GPATCH2: variants seen among roughly 807,000 people sequenced by gnomAD.
The protein encoded by GPATCH2 is G-patch domain containing 2.
In GPATCH2, 51 loss-of-function variants were observed where a neutral mutation model predicts 58.0. That is an observed-to-expected ratio of 0.88 (90% CI 0.70 to 1.11). The LOEUF (loss-of-function observed/expected upper bound fraction) is 1.11, where lower values mean the gene tolerates loss of function less well. GPATCH2 is among the 50% of genes most tolerant of loss of function. GPATCH2 has a pLI of 0.00. For missense variants in GPATCH2, 625 were observed against 652.2 expected (o/e 0.96, Z 0.45); for synonymous variants, 222 against 218.5 (o/e 1.02, Z -0.14).
chr1:217,532,886 GTTTTTTTTTTTTTGTTTTTT>G (rs1255817887), intron 5 of GPATCH2, among the ~76,000 whole-genome samples: 2 of 130,248 alleles, frequency 1.5e-5, no homozygotes, highest in Non-Finnish European at 3.2e-5. Context: ...TCTTTTTTTT[GTTTTTTTTTTTTTGTTTTTT>G]TTTTTTTTTT....
intron 5 of GPATCH2, among the ~76,000 whole-genome samples, chr1:217,588,158 T>G (rs1037827386): frequency 6.6e-6 from 1 of 152,210 alleles, no homozygotes; most frequent in African/African-American, 2.4e-5. Flanking sequence ...CTCCCTTGGA[T>G]AATCCATCCT....
At position 217,429,223 on chromosome 1, in the gene GPATCH2, T is replaced by G. The variant is rs546231925; in HGVS notation, c.*1922A>C. ...AGACAGAATGAGCATTTAGAAAATA[T>G]CAGTTAAAAAAATGGCAAATTTGTA... On this transcript the variant is annotated 3_prime_UTR_variant, in exon 10 of 10. Coordinates refer to ENST00000366935, the MANE Select transcript of GPATCH2 (RefSeq NM_018040.5). 29 of 152,142 alleles carry G rather than the reference T, an allele frequency of 1.9e-4. No individual in the cohort carries two copies. The highest frequency in any genetic ancestry group is 6.8e-4 in the African/African-American group (28 of 41,476). The allele number at this position is 152,142 out of a possible 1,614,324, so 9.4% of individuals were successfully genotyped here.
intron 5 of GPATCH2, among the ~76,000 whole-genome samples, chr1:217,590,235 TG>T (rs1425559696): frequency 3.9e-5 from 6 of 152,070 alleles, no homozygotes; most frequent in African/African-American, 7.2e-5. Flanking sequence ...TTGGCCAGGC[TG>T]GTCTTGAACG....
chr1:217,543,342 T>C (rs1228361560), intron 5 of GPATCH2, among the ~76,000 whole-genome samples: 4 of 146,090 alleles, frequency 2.7e-5, no homozygotes, highest in Non-Finnish European at 6.0e-5. Flanking sequence ...CAATCTCGGC[T>C]CACTGCAAGC....
At position 217,543,906 on chromosome 1, in the gene GPATCH2, A is replaced by T. The variant is rs2102650323; in HGVS notation, c.1099-29017T>A. 1.3e-5 allele frequency among the ~76,000 whole-genome samples: 2 copies of T among 152,318 alleles called. 1 individual carries two copies. The highest frequency in any genetic ancestry group is 4.1e-4 in the South Asian group (2 of 4,830). ...GAAACCAAGAAGAGAATCCTTCAAG[A>T]GGATTCTTTCTCAGGCTCGCTTGGC... On this transcript the variant is annotated intron_variant, in intron 5 of 9. Transcript: ENST00000366935.
chr1:217,578,606 C>A (rs957909729), intron 5 of GPATCH2, among the ~76,000 whole-genome samples: 3 of 152,124 alleles, frequency 2.0e-5, no homozygotes, highest in African/African-American at 7.2e-5. Context: ...CCATTTTCTG[C>A]CTTCTTTTCT....
In GPATCH2 at chr1:217,615,866, A is replaced by G. The variant is rs1021862020; in HGVS notation, c.774-1664T>C. On this transcript the variant is annotated intron_variant, in intron 2 of 9. Coordinates refer to ENST00000366935, the MANE Select transcript of GPATCH2 (RefSeq NM_018040.5). ...TTTGCAGACAAAGCATTATGAATTG[A>G]TGTGCTATTTTTTCTAGACCATGAT... Among the ~76,000 whole-genome samples, 3 of 152,110 alleles carry G rather than the reference A, an allele frequency of 2.0e-5. No individual in the cohort carries two copies. The East Asian group carries it at 5.8e-4, about 29-fold the overall frequency.
chr1:217,556,886 A>G (rs916282216), intron 5 of GPATCH2, among the ~76,000 whole-genome samples: 2 of 152,182 alleles, frequency 1.3e-5, no homozygotes, highest in Non-Finnish European at 2.9e-5. Context: ...ATTTTTGCCA[A>G]TCTGGTGAAA....
intron 1 of GPATCH2, among the ~76,000 whole-genome samples, chr1:217,624,179 T>C (rs537213591): frequency 1.3e-5 from 2 of 152,200 alleles, no homozygotes; most frequent in Admixed American, 6.5e-5. Flanking sequence ...GCCAGTAATA[T>C]TATAGTCAAT....
At chr1:217,477,626 A>G (rs1410683324) in intron 8 of GPATCH2, among the ~76,000 whole-genome samples, 1 of 152,134 alleles carries the variant, frequency 6.6e-6, no homozygotes, top group African/African-American at 2.4e-5. Context: ...CCATGGGGTG[A>G]GGATCCTCTG....
intron 1 of GPATCH2, among the ~76,000 whole-genome samples, chr1:217,625,486 C>G (rs113880604): frequency 2.6e-5 from 4 of 151,902 alleles, no homozygotes. Context: ...ACAGATTCCC[C>G]GAGAAATAAA....
At chr1:217,522,336 C>T (rs564064367) in intron 5 of GPATCH2, among the ~76,000 whole-genome samples, 3 of 151,976 alleles carry the variant, frequency 2.0e-5, no homozygotes, top group Non-Finnish European at 2.9e-5. Context: ...AATACAGCAA[C>T]AACTTTTTTC....
chr1:217,446,685 TGTA>T (rs201087869), intron 9 of GPATCH2, among the ~76,000 whole-genome samples: 2,061 of 152,190 alleles, frequency 0.014, 17 homozygotes, highest in Middle Eastern at 0.054. Context: ...TAAGTAAAAA[TGTA>T]GTAATACCAA....
At chr1:217,529,829 C>G (rs531977010) in intron 5 of GPATCH2, among the ~76,000 whole-genome samples, 1 of 152,258 alleles carries the variant, frequency 6.6e-6, no homozygotes, top group Non-Finnish European at 1.5e-5. Context: ...TAACTTTTTG[C>G]TCTCCACACT....
chr1:217,442,554 C>A (rs1409630937), intron 9 of GPATCH2, among the ~76,000 whole-genome samples: 2 of 152,138 alleles, frequency 1.3e-5, no homozygotes, highest in South Asian at 2.1e-4. Context: ...ATTTCCCCAA[C>A]TGATTAAGGT....
At chr1:217,595,992 G>GA (rs1056597692) in intron 5 of GPATCH2, among the ~76,000 whole-genome samples, 5 of 151,978 alleles carry the variant, frequency 3.3e-5, no homozygotes, top group African/African-American at 1.2e-4. Flanking sequence ...ACTTGAGAAA[G>GA]AAAAAACCTA....
intron 9 of GPATCH2, among the ~76,000 whole-genome samples, chr1:217,432,009 T>G (rs913559503): frequency 1.3e-5 from 2 of 152,004 alleles, no homozygotes; most frequent in African/African-American, 4.8e-5. Flanking sequence ...ATTATATAAG[T>G]TAGTAGAAAG....
At chr1:217,609,463 A>G (rs1668524605) in intron 5 of GPATCH2, 3 of 983,608 alleles carry the variant, frequency 3.1e-6, no homozygotes, top group Non-Finnish European at 3.6e-6. Context: ...ACTAGTGCAG[A>G]CTAGTTATCA....
intron 2 of GPATCH2, among the ~76,000 whole-genome samples, chr1:217,618,577 A>G (rs773380994): frequency 6.6e-6 from 1 of 152,168 alleles, no homozygotes; most frequent in Non-Finnish European, 1.5e-5. Context: ...ATGTCTAATA[A>G]AAGGATAATT....
Sources: allele counts gnomAD v4.1 joint callset (sites outside exome capture counted in the v4.1 genomes callset), GRCh38; gene constraint gnomAD v4.1.1; transcripts MANE v1.5; gene names NCBI Gene and HGNC (gene_info 2026-07-23, HGNC 2026-07-21).